MARVELD2: variants seen among roughly 807,000 people sequenced by gnomAD.
The protein encoded by MARVELD2 is MARVEL domain-containing protein 2.
A neutral mutation model predicts 57.6 loss-of-function variants in MARVELD2; 49 were observed. That is an observed-to-expected ratio of 0.85 (90% CI 0.68 to 1.08). The LOEUF (loss-of-function observed/expected upper bound fraction) is 1.08. MARVELD2 is among the 50% of genes least tolerant of loss of function. MARVELD2 has a pLI of 0.00. For synonymous variants in MARVELD2, 238 were observed against 258.8 expected, an observed-to-expected ratio of 0.92 and a Z score of 0.77; for missense variants, 606 against 701.1, an observed-to-expected ratio of 0.86 and a Z score of 1.53.
chr5:69,431,007 C>T (rs1580487799), intron 3 of MARVELD2, among the ~76,000 whole-genome samples: 1 of 151,670 alleles, frequency 6.6e-6, no homozygotes, highest in East Asian at 1.9e-4. Flanking sequence ...CCTGCAGCCT[C>T]GAACTCCTGG....
intron 1 of MARVELD2, among the ~76,000 whole-genome samples, chr5:69,416,698 A>C (rs1480635639): frequency 6.6e-6 from 1 of 152,238 alleles, no homozygotes; most frequent in Non-Finnish European, 1.5e-5. Context: ...AGGGTTCATA[A>C]TGCTATTCTT....
chr5:69,439,122 T>C (rs1190754391), intron 5 of MARVELD2, among the ~76,000 whole-genome samples: 23 of 150,568 alleles, frequency 1.5e-4, no homozygotes, highest in Admixed American at 1.5e-3. Context: ...GGGTCAGTGA[T>C]AGAAAAAGTT....
At chr5:69,430,981 GGACCATTCACA>G (rs933721253) in intron 3 of MARVELD2, among the ~76,000 whole-genome samples, 11 of 151,370 alleles carry the variant, frequency 7.3e-5, no homozygotes, top group Non-Finnish European at 1.6e-4. Context: ...GGAGTGCAGT[GGACCATTCACA>G]GCTCCCTGCA....
At chr5:69,439,660 T>G (rs887689286) in intron 5 of MARVELD2, among the ~76,000 whole-genome samples, 7 of 151,502 alleles carry the variant, frequency 4.6e-5, no homozygotes, top group African/African-American at 1.7e-4. Flanking sequence ...AGGCTGAGGC[T>G]CAATAACAGC....
At chr5:69,435,070 G>C (rs28670985) in intron 5 of MARVELD2, among the ~76,000 whole-genome samples, 2 of 147,714 alleles carry the variant, frequency 1.4e-5, no homozygotes, top group African/African-American at 5.1e-5. Context: ...TCACCCAGAC[G>C]GGAGTGCAGT....
chr5:69,440,500 T>G lies in MARVELD2; in HGVS notation c.1554T>G (p.Asn518Lys). The G allele has an allele frequency of 7.0e-7, 1 of 1,426,794 alleles. No individual in the cohort carries two copies. Among genetic ancestry groups the G allele is most frequent in the East Asian group, 2.3e-5 (1 of 43,520 alleles). 88.4% of individuals were successfully genotyped at this position (1,426,794 alleles called of 1,614,324 possible). A position where few individuals can be genotyped will look rare whatever the true frequency, so the allele number is the denominator to read the frequency against. ...ATGAAGAGTTTAAGAAAAAAAAGAA[T>G]GTGAGTAAAACAGTTTTCTTCAAAC... ...RIHEEFKKKK[N>K]DPTFLEKKER... Residue 518 changes from asparagine to lysine, a missense_variant and splice_region_variant, in exon 6 of 7, where the codon AAT becomes AAG. Coordinates refer to ENST00000325631, the MANE Select transcript of MARVELD2 (RefSeq NM_001038603.3).
intron 3 of MARVELD2, among the ~76,000 whole-genome samples, chr5:69,426,963 G>T (rs910922561): frequency 2.0e-5 from 3 of 151,998 alleles, no homozygotes; most frequent in Non-Finnish European, 4.4e-5. Context: ...CAGCCAGCAA[G>T]TGAACTTCAG....
chr5:69,440,437 GTAT>G lies in MARVELD2; in HGVS notation c.1504-8_1504-6del. On this transcript the variant is annotated splice_polypyrimidine_tract_variant and intron_variant, in intron 5 of 6. Transcript: ENST00000325631. ...AAATGTTTTAACTTAAGTATACAAT[GTAT>G]TATTTTTAGGAACATGAGAGAATTT... 8.0e-7 allele frequency: 1 copy of G among 1,249,722 alleles called. No homozygotes were observed. The highest frequency in any genetic ancestry group is 1.2e-6 in the Non-Finnish European group (1 of 853,520). 77.4% of individuals were successfully genotyped at this position (1,249,722 alleles called of 1,614,324 possible). A position where few individuals can be genotyped will look rare whatever the true frequency, so the allele number is the denominator to read the frequency against.
chr5:69,434,923 G>T (rs912047766), intron 5 of MARVELD2, among the ~76,000 whole-genome samples: 21 of 151,946 alleles, frequency 1.4e-4, no homozygotes, highest in Middle Eastern at 3.4e-3. Flanking sequence ...TCAAACTCCT[G>T]ACCTTATGAT....
intron 3 of MARVELD2, among the ~76,000 whole-genome samples, chr5:69,429,176 A>G (rs1486612466): frequency 6.6e-6 from 1 of 152,086 alleles, no homozygotes; most frequent in Non-Finnish European, 1.5e-5. Flanking sequence ...ACCTAGAGCC[A>G]TGGTTGGAGA....
At chr5:69,426,541 G>C (rs561380746) in intron 3 of MARVELD2, among the ~76,000 whole-genome samples, 2 of 151,804 alleles carry the variant, frequency 1.3e-5, no homozygotes, top group South Asian at 4.2e-4. Flanking sequence ...CACCATGTTG[G>C]TCAGGCTGGT....
chr5:69,441,756 C>T lies in MARVELD2; in HGVS notation c.*102C>T. 1.3e-6 allele frequency: 1 copy of T among 795,746 alleles called. No individual in the cohort carries two copies. Among genetic ancestry groups the T allele is most frequent in the South Asian group, 1.6e-5 (1 of 63,654 alleles). The allele number at this position is 795,746 out of a possible 1,614,324, so 49.3% of individuals were successfully genotyped here. A position where few individuals can be genotyped will look rare whatever the true frequency, so the allele number is the denominator to read the frequency against. ...GGAATGCAGTGGCACAATCTCGGCT[C>T]ACTGCAACCTCCACCTCCCGGGTTC... is the stretch of plus-strand genomic sequence containing the variant. On this transcript the variant is annotated 3_prime_UTR_variant, in exon 7 of 7. Transcript: ENST00000325631.
Position 69,432,521 on chromosome 5 carries a change from C to G in MARVELD2, c.1183-6C>G. 6.2e-7 allele frequency: 1 copy of G among 1,613,840 alleles called. No individual in the cohort carries two copies. The highest frequency in any genetic ancestry group is 8.5e-7 in the Non-Finnish European group (1 of 1,179,750). On this transcript the variant is annotated splice_polypyrimidine_tract_variant and splice_region_variant and intron_variant, in intron 3 of 6. Coordinates refer to ENST00000325631, the MANE Select transcript of MARVELD2 (RefSeq NM_001038603.3). ...TAACAAATCCTCTTTTTCTCCCTAA[C>G]TGCAGTGTGAAATGGCCACCAGTGG...
chr5:69,424,148 A>G (rs1766710752), intron 2 of MARVELD2, among the ~76,000 whole-genome samples: 1 of 152,190 alleles, frequency 6.6e-6, no homozygotes, highest in Non-Finnish European at 1.5e-5. Flanking sequence ...GACTTTTCAT[A>G]ATGCCTAATT....
At position 69,443,960 on chromosome 5, in the gene MARVELD2, T is replaced by C. The variant is rs1767396327; in HGVS notation, c.*2306T>C. 1 of 139,798 alleles carries C rather than the reference T, an allele frequency of 7.2e-6. No homozygotes were observed. The highest frequency in any genetic ancestry group is 1.5e-5 in the Non-Finnish European group (1 of 66,400). 8.7% of individuals were successfully genotyped at this position (139,798 alleles called of 1,614,324 possible). A position where few individuals can be genotyped will look rare whatever the true frequency, so the allele number is the denominator to read the frequency against. ...TGGAACAACTTCACTTTCTCTTTTA[T>C]GTATTGAGCCCTGTGTTAACATTTC... On this transcript the variant is annotated 3_prime_UTR_variant, in exon 7 of 7. Transcript: ENST00000325631.
At position 69,420,408 on chromosome 5, in the gene MARVELD2, G is replaced by C. The variant is rs1456520295; in HGVS notation, c.1023G>C (p.Gln341His). The C allele has an allele frequency of 6.2e-7, 1 of 1,613,932 alleles. No individual in the cohort carries two copies. Among genetic ancestry groups the C allele is most frequent in the Non-Finnish European group, 8.5e-7 (1 of 1,180,052 alleles). ...NAVFCRVEGGQIAAMIFLFVT... is the reference protein window; with the variant it reads ...NAVFCRVEGGHIAAMIFLFVT... ...TGTTCTGCCGGGTAGAAGGAGGACA[G>C]ATAGCTGCAATGATCTTCCTGTTTG... is the stretch of plus-strand genomic sequence containing the variant. Residue 341 changes from glutamine (Q) to histidine (H), a missense_variant, in exon 2 of 7, where the codon CAG (glutamine) becomes CAC (histidine). Physicochemically the swap from Gln to His is conservative, Grantham distance 24 (BLOSUM62 0). Coordinates refer to ENST00000325631, the MANE Select transcript of MARVELD2 (RefSeq NM_001038603.3).
intron 3 of MARVELD2, among the ~76,000 whole-genome samples, chr5:69,426,783 CCTTAACCTCCCAA>C (rs1766807721): frequency 6.6e-6 from 1 of 152,178 alleles, no homozygotes; most frequent in South Asian, 2.1e-4. Context: ...AATCCTCCCA[CCTTAACCTCCCAA>C]GTAGCTGGGA....
In MARVELD2 at chr5:69,420,337, G is replaced by C. The variant is rs761549609; in HGVS notation, c.952G>C (p.Gly318Arg). The change falls in exon 2 of 7, where the codon GGT becomes CGT. Residue 318 changes from glycine (G) to arginine (R), a missense_variant. Coordinates refer to ENST00000325631, the MANE Select transcript of MARVELD2 (RefSeq NM_001038603.3). ...AGTCTATGTGAATGATACCAACCGA[G>C]GTGGCCTCTGCTACTATCCGTTATT... ...AIVYVNDTNR[G>R]GLCYYPLFNT... 4 of 1,614,176 alleles carry C rather than the reference G, an allele frequency of 2.5e-6. No individual in the cohort carries two copies. The East Asian group carries it at 8.9e-5, about 36-fold the overall frequency.
chr5:69,427,445 T>C (rs1766825130), intron 3 of MARVELD2, among the ~76,000 whole-genome samples: 1 of 151,592 alleles, frequency 6.6e-6, no homozygotes. Flanking sequence ...AGAGTCTCAC[T>C]CTGTCACCAG....
Sources: allele counts gnomAD v4.1 joint callset (sites outside exome capture counted in the v4.1 genomes callset), GRCh38; gene constraint gnomAD v4.1.1; transcripts MANE v1.5; gene names NCBI Gene and HGNC (gene_info 2026-07-23, HGNC 2026-07-21).